Variants in IL17RB observed in about 807,000 individuals in gnomAD.
IL17RB encodes the protein interleukin 17 receptor B, also known as interleukin-17 receptor B.
In IL17RB, 36 loss-of-function variants were observed where a neutral mutation model predicts 43.9. The ratio of observed to expected loss-of-function variants is 0.82; its 90% CI spans 0.63 to 1.08. IL17RB has a LOEUF of 1.08. Ranked by LOEUF, IL17RB falls within the 50% of genes least tolerant of loss-of-function variation. The pLI is 0.00. For missense variants in IL17RB, 613 were observed against 613.6 expected, an observed-to-expected ratio of 1.00 and a Z score of 0.01; for synonymous variants, 225 against 225.4, an observed-to-expected ratio of 1.00 and a Z score of 0.02.
At chr3:53,853,922 G>A (rs548683636) in intron 5 of IL17RB, among the ~76,000 whole-genome samples, 1 of 151,674 alleles carries the variant, frequency 6.6e-6, no homozygotes. Context: ...TTTAGACGGG[G>A]TTTTGCTCTT....
rs1378913653 is a variant in IL17RB, at chr3:53,864,901, T to G, written c.1102T>G (p.Trp368Gly). Reference sequence around the variant, plus strand: ...CAGAAGTGAGGTCATCCTTGAAAAGTGGCAGAAAAAGAAAATAGCAGAGAT... The same window carrying G: ...CAGAAGTGAGGTCATCCTTGAAAAGGGGCAGAAAAAGAAAATAGCAGAGAT... ...HCRSEVILEK[W>G]QKKKIAEMGP... The change falls in exon 11 of 11, where the codon TGG becomes GGG. Residue 368 changes from tryptophan (W) to glycine (G), a missense_variant. Coordinates refer to ENST00000288167, the MANE Select transcript of IL17RB (RefSeq NM_018725.4). The G allele has an allele frequency of 6.2e-7, 1 of 1,614,086 alleles. No homozygotes were observed. Among genetic ancestry groups the G allele is most frequent in the Admixed American group, 1.7e-5 (1 of 59,994 alleles).
chr3:53,864,834 T>G lies in IL17RB; in HGVS notation c.1035T>G (p.His345Gln), dbSNP rs2107036140. The G allele has an allele frequency of 6.2e-7, 1 of 1,614,186 alleles. No homozygotes were observed. Among genetic ancestry groups the G allele is most frequent in the Admixed American group, 1.7e-5 (1 of 60,034 alleles). The stretch of plus-strand genomic sequence containing the variant: ...TTTACCCATCTGAAATATGTTTCCA[T>G]CACACAATTTGTTACTTCACTGAAT... ...LVVYPSEICFHHTICYFTEFL... is the reference protein window; with the variant it reads ...LVVYPSEICFQHTICYFTEFL... Residue 345 changes from histidine to glutamine, a missense_variant, in exon 11 of 11, where the codon CAT (histidine) becomes CAG (glutamine). By Grantham distance (24) the His-to-Gln change is conservative (BLOSUM62 0). Transcript: ENST00000288167.
rs1699734984 is a variant in IL17RB at position 53,865,077 on chromosome 3, CTTTA to C, written c.1279_1282del (p.Phe427ThrfsTer7). On this transcript the variant is annotated frameshift_variant, in exon 11 of 11. Coordinates refer to ENST00000288167, the MANE Select transcript of IL17RB (RefSeq NM_018725.4). LOFTEE classifies it low-confidence loss of function (END_TRUNC). ...ACTCTCAAGACCTCTTCCCCCTTGC[CTTTA>C]ACCTTTTCTGCAGTGATCTAAGAAG... 6.2e-7 allele frequency: 1 copy of C among 1,614,138 alleles called. No homozygotes were observed. The highest frequency in any genetic ancestry group is 1.3e-5 in the African/African-American group (1 of 75,034).
intron 1 of IL17RB, 95 bp from the exon 2 acceptor site, chr3:53,848,569 C>A: frequency 8.6e-7 from 1 of 1,162,042 alleles, no homozygotes; most frequent in Non-Finnish European, 1.3e-6. Flanking sequence ...CTTGTATATG[C>A]ATTTAAGGGG....
At position 53,864,726 on chromosome 3, in the gene IL17RB, A is replaced by G. The variant is rs1699717684; in HGVS notation, c.947-20A>G. 6.4e-7 allele frequency: 1 copy of G among 1,559,578 alleles called. No individual in the cohort carries two copies. The highest frequency in any genetic ancestry group is 8.7e-7 in the Non-Finnish European group (1 of 1,147,268). On this transcript the variant is annotated intron_variant, in intron 10 of 10. Transcript: ENST00000288167. ...GCTGTTTGCTGTTCACAGATAACAA[A>G]TGCTTTTCTCCTCTCACAGAAAGGA...
At chr3:53,849,238 A>G (rs1207455469) in intron 2 of IL17RB, among the ~76,000 whole-genome samples, 1 of 152,182 alleles carries the variant, frequency 6.6e-6, no homozygotes, top group African/African-American at 2.4e-5. Context: ...CTAAATATAT[A>G]CATGTGTACA....
chr3:53,853,277 T>C (rs1699221664), intron 5 of IL17RB, among the ~76,000 whole-genome samples: 1 of 152,178 alleles, frequency 6.6e-6, no homozygotes, highest in Non-Finnish European at 1.5e-5. Flanking sequence ...AACCCCAAGG[T>C]TGGGATAGCT....
intron 1 of IL17RB, among the ~76,000 whole-genome samples, chr3:53,847,485 TAAAA>T (rs11332832): frequency 1.4e-5 from 2 of 140,804 alleles, no homozygotes; most frequent in African/African-American, 5.3e-5. Context: ...GCTCATTTGT[TAAAA>T]AAAAAAAAAA....
At chr3:53,862,985 CTCTTCCTCG>C (rs1699619386) in intron 10 of IL17RB, among the ~76,000 whole-genome samples, 1 of 152,192 alleles carries the variant, frequency 6.6e-6, no homozygotes. Flanking sequence ...CCCCTTCCTC[CTCTTCCTCG>C]TCAGCCTACT....
At chr3:53,852,609 A>G (rs1699193753) in intron 4 of IL17RB, among the ~76,000 whole-genome samples, 1 of 152,100 alleles carries the variant, frequency 6.6e-6, no homozygotes, top group Admixed American at 6.6e-5. Flanking sequence ...TGCCTTTTGT[A>G]AGTCAGCATC....
intron 10 of IL17RB, among the ~76,000 whole-genome samples, chr3:53,863,260 C>T (rs1009034001): frequency 3.3e-5 from 5 of 152,170 alleles, no homozygotes; most frequent in African/African-American, 9.7e-5. Context: ...TTTTCAACTG[C>T]ATGCAGGGCC....
chr3:53,851,805 T>C (rs905839140), intron 3 of IL17RB, among the ~76,000 whole-genome samples, 194 bp from the exon 4 acceptor site: 3 of 152,234 alleles, frequency 2.0e-5, no homozygotes, highest in Non-Finnish European at 2.9e-5. Flanking sequence ...TTTCTAAGTT[T>C]AAGCAGAGCT....
chr3:53,860,350 T>C (rs898750200), intron 10 of IL17RB, 122 bp downstream of exon 10: 5 of 692,004 alleles, frequency 7.2e-6, no homozygotes, highest in Admixed American at 2.5e-5. Flanking sequence ...ATAGCATTTA[T>C]GTAATACCTT....
In IL17RB at chr3:53,852,086, CA is replaced by C. The variant is rs1336389281; in HGVS notation, c.315del (p.Glu106ArgfsTer23). ...QSYSCVRCNYTEAFQTQTRPS... is the reference protein window; with the variant it reads ...QSYSCVRCNYXEAFQTQTRPS... ...TACAGCTGTGTGAGGTGCAATTACA[CA>C]GAGGCCTTCCAGACTCAGACCAGAC... On this transcript the variant is annotated frameshift_variant, in exon 4 of 11. Transcript: ENST00000288167. LOFTEE classifies it high-confidence loss of function. The C allele has an allele frequency of 6.2e-7, 1 of 1,614,172 alleles. No individual in the cohort carries two copies. The highest frequency in any genetic ancestry group is 8.5e-7 in the Non-Finnish European group (1 of 1,180,042).
chr3:53,862,366 C>T (rs1234512327), intron 10 of IL17RB, among the ~76,000 whole-genome samples: 1 of 152,168 alleles, frequency 6.6e-6, no homozygotes, highest in Non-Finnish European at 1.5e-5. Context: ...ACATGGAAGT[C>T]TGGAAGAATT....
chr3:53,860,812 C>G (rs945712451), intron 10 of IL17RB: 1 of 151,988 alleles, frequency 6.6e-6, no homozygotes, highest in African/African-American at 2.4e-5. Context: ...AAAATGTATA[C>G]AGATACTAGT....
chr3:53,849,531 TAA>T, intron 2 of IL17RB, 122 bp from the exon 3 acceptor site: 3 of 551,884 alleles, frequency 5.4e-6, no homozygotes, highest in African/African-American at 2.0e-5. Flanking sequence ...TTTTTTTAAT[TAA>T]AAAAAAAAGA....
rs1008131412 is a variant in IL17RB at position 53,847,702 on chromosome 3, G to A, written c.61-962G>A. On this transcript the variant is annotated intron_variant, in intron 1 of 10. Transcript: ENST00000288167. ...CCAGCTACTCCGGAGGCTGAGGCAG[G>A]AGAATCACTTGAACCCGGGAGCCAG... 2.0e-5 allele frequency among the ~76,000 whole-genome samples: 3 copies of A among 152,084 alleles called. No individual in the cohort carries two copies. The South Asian group carries it at 6.2e-4, about 32-fold the overall frequency.
intron 6 of IL17RB, 23 bp from the exon 7 acceptor site, chr3:53,856,821 C>T: frequency 6.2e-7 from 1 of 1,613,736 alleles, no homozygotes; most frequent in Non-Finnish European, 8.5e-7. Context: ...AGTTCATCTA[C>T]ATGGTTCTCT....
Sources: allele counts gnomAD v4.1 joint callset (sites outside exome capture counted in the v4.1 genomes callset), GRCh38; gene constraint gnomAD v4.1.1; transcripts MANE v1.5; gene names NCBI Gene and HGNC (gene_info 2026-07-23, HGNC 2026-07-21).